The following PRRT1B variants were observed in gnomAD, a reference collection of about 807,000 sequenced individuals.
The protein encoded by PRRT1B is proline rich transmembrane protein 1B.
At chr9:131,555,075 G>A (rs544348355) in intron 2 of PRRT1B, 46 bp downstream of exon 2, 166 of 311,824 alleles carry the variant, frequency 5.3e-4, no homozygotes, top group South Asian at 1.9e-3. Flanking sequence ...TGCTGTCTGC[G>A]CGTGGTCGGG....
At chr9:131,546,650 C>A (rs891007476) in intron 1 of PRRT1B, among the ~76,000 whole-genome samples, 3 of 151,958 alleles carry the variant, frequency 2.0e-5, no homozygotes, top group African/African-American at 4.8e-5. Context: ...GACTCCCCCC[C>A]AGACCCTCAA....
exon 4 of PRRT1B, chr9:131,558,164 T>A: frequency 2.5e-6 from 1 of 400,982 alleles, no homozygotes; most frequent in Non-Finnish European, 4.4e-6. Flanking sequence ...GTCTACCAGC[T>A]GGGTCATCTA....
At position 131,545,683 on chromosome 9, in the gene PRRT1B, CAGGTACTGGCG is replaced by C. The variant is rs1336717979; in HGVS notation, c.25+44_25+54del. On this transcript the variant is annotated intron_variant, in intron 1 of 3. Coordinates refer to ENST00000636672, the Ensembl canonical transcript of PRRT1B. Reference sequence around the variant, plus strand: ...GCTGGTGGGACAGGTACTGGCGGGGCAGGTACTGGCGGGGCAGGTACTGGCGAGGCAGGTAC... The same window carrying C: ...GCTGGTGGGACAGGTACTGGCGGGGCGGGCAGGTACTGGCGAGGCAGGTAC... 7 of 362,270 alleles carry C rather than the reference CAGGTACTGGCG, an allele frequency of 1.9e-5. No homozygotes were observed. In the Admixed American group the frequency reaches 3.8e-4, roughly 20 times the overall value. 22.4% of individuals were successfully genotyped at this position (362,270 alleles called of 1,614,324 possible). A position where few individuals can be genotyped will look rare whatever the true frequency, so the allele number is the denominator to read the frequency against.
intron 3 of PRRT1B, among the ~76,000 whole-genome samples, chr9:131,557,337 G>A (rs1392948403): frequency 6.6e-6 from 1 of 152,116 alleles, no homozygotes; most frequent in Non-Finnish European, 1.5e-5. Context: ...TCAGGAGTTC[G>A]AGATCAGCCT....
chr9:131,549,643 C>T (rs375319776), intron 1 of PRRT1B, among the ~76,000 whole-genome samples: 6 of 152,110 alleles, frequency 3.9e-5, no homozygotes, highest in South Asian at 2.1e-4. Context: ...AGGGTAAGTC[C>T]GTCCCCTTCT....
intron 1 of PRRT1B, among the ~76,000 whole-genome samples, chr9:131,553,738 G>A (rs1021549967): frequency 7.9e-5 from 12 of 152,326 alleles, no homozygotes; most frequent in South Asian, 6.2e-4. Context: ...GCCCACTTCT[G>A]CAGTGAGGCC....
intron 1 of PRRT1B, among the ~76,000 whole-genome samples, chr9:131,547,483 C>G (rs1400712228): frequency 6.6e-6 from 1 of 152,136 alleles, no homozygotes; most frequent in African/African-American, 2.4e-5. Flanking sequence ...TTTACCTACG[C>G]AAATCCTATA....
intron 1 of PRRT1B, among the ~76,000 whole-genome samples, chr9:131,552,232 G>A (rs1475799627): frequency 6.6e-6 from 1 of 152,230 alleles, no homozygotes; most frequent in Non-Finnish European, 1.5e-5. Flanking sequence ...CCAGGCTGGA[G>A]TGCAGTGGTT....
chr9:131,556,692 C>T (rs758424227), intron 3 of PRRT1B, among the ~76,000 whole-genome samples: 4 of 151,752 alleles, frequency 2.6e-5, no homozygotes, highest in South Asian at 2.1e-4. Context: ...AGTGCAATGG[C>T]GTGATCTCGG....
rs1369302109 is a variant in PRRT1B, at chr9:131,546,913, G to C, written c.25+1273G>C. Among the ~76,000 whole-genome samples, 4 of 152,130 alleles carry C rather than the reference G, an allele frequency of 2.6e-5. No individual in the cohort carries two copies. In the East Asian group the frequency reaches 7.7e-4, roughly 29 times the overall value. On this transcript the variant is annotated intron_variant, in intron 1 of 3. Coordinates refer to ENST00000636672, the Ensembl canonical transcript of PRRT1B. ...ACACCATCCCGGAGAGACCTGTTTA[G>C]AGTGGAGAGCTGACTCGCTGAGACC...
At chr9:131,554,660 G>T in exon 2 of PRRT1B, 1 of 386,790 alleles carries the variant, frequency 2.6e-6, no homozygotes, top group Non-Finnish European at 4.6e-6. Flanking sequence ...CGCAGCCCGC[G>T]CTCCCGCAGC....
rs542271327 is a variant in PRRT1B at position 131,557,041 on chromosome 9, CATCT to C, written c.642+829_642+832del. 2.7e-3 allele frequency among the ~76,000 whole-genome samples: 410 copies of C among 152,128 alleles called. 1 individual carries two copies. Among genetic ancestry groups the C allele is most frequent in the Non-Finnish European group, 4.4e-3 (296 of 67,976 alleles). On this transcript the variant is annotated intron_variant, in intron 3 of 3. Transcript: ENST00000636672. ...CCATCCACTCACCCCACTATTCATC[CATCT>C]GCCTACTCACCCACCCACCAATCCC...
At chr9:131,554,264 T>C (rs972447349) in intron 1 of PRRT1B, among the ~76,000 whole-genome samples, 1 of 152,108 alleles carries the variant, frequency 6.6e-6, no homozygotes, top group Non-Finnish European at 1.5e-5. Context: ...AAGGCCTTAG[T>C]TGGGGGTGAA....
intron 1 of PRRT1B, 44 bp downstream of exon 1, chr9:131,545,684 AGGTACTGGCGGGGC>A: frequency 2.5e-6 from 1 of 397,476 alleles, no homozygotes; most frequent in Admixed American, 4.5e-5. Flanking sequence ...CTGGCGGGGC[AGGTACTGGCGGGGC>A]AGGTACTGGC....
At chr9:131,547,631 C>T (rs1438609643) in intron 1 of PRRT1B, among the ~76,000 whole-genome samples, 4 of 152,200 alleles carry the variant, frequency 2.6e-5, no homozygotes, top group South Asian at 2.1e-4. Flanking sequence ...AATTTGGTGC[C>T]GTGACTCAGA....
At position 131,558,068 on chromosome 9, in the gene PRRT1B, G is replaced by C. The variant is rs570304096; in HGVS notation, c.658G>C (p.Gly220Arg). 9 of 400,032 alleles carry C rather than the reference G, an allele frequency of 2.2e-5. No individual in the cohort carries two copies. In the South Asian group the frequency reaches 1.1e-3, roughly 51 times the overall value. The allele number at this position is 400,032 out of a possible 1,614,324, so 24.8% of individuals were successfully genotyped here. ...CTCGTTGCAGGCCCGTGCAGCACTG[G>C]GCAGGGGTGACCTGGCCCAGGCTGA... is the stretch of plus-strand genomic sequence containing the variant. The change falls in exon 4 of 4, where the codon GGC (glycine) becomes CGC (arginine). Residue 220 changes from glycine (G) to arginine (R), a missense_variant. Physicochemically the swap from Gly to Arg is moderately radical, Grantham distance 125. Coordinates refer to ENST00000636672, the Ensembl canonical transcript of PRRT1B.
At chr9:131,553,383 T>C (rs954779280) in intron 1 of PRRT1B, among the ~76,000 whole-genome samples, 2 of 152,228 alleles carry the variant, frequency 1.3e-5, no homozygotes, top group African/African-American at 4.8e-5. Context: ...GCACGTCACA[T>C]GGTCAAGCCC....
rs536905914 is a variant in PRRT1B at position 131,554,365 on chromosome 9, G to A, written c.26-192G>A. Among the ~76,000 whole-genome samples, 130 of 152,292 alleles carry A rather than the reference G, an allele frequency of 8.5e-4. 3 individuals carry two copies. The South Asian group carries it at 0.025, about 29-fold the overall frequency. ...CAGCAGCCTGGGTTCCCACCCAGAT[G>A]AGTCGCTCAGTCTGTGTGACTCCAG... On this transcript the variant is annotated intron_variant, in intron 1 of 3. Coordinates refer to ENST00000636672, the Ensembl canonical transcript of PRRT1B.
intron 3 of PRRT1B, among the ~76,000 whole-genome samples, chr9:131,557,493 G>C (rs1358703686): frequency 6.6e-6 from 1 of 152,134 alleles, no homozygotes. Flanking sequence ...AGCTGAGATC[G>C]CACCACTGCA....
Sources: allele counts gnomAD v4.1 joint callset (sites outside exome capture counted in the v4.1 genomes callset), GRCh38; gene constraint gnomAD v4.1.1; transcripts MANE v1.5; gene names NCBI Gene and HGNC (gene_info 2026-07-23, HGNC 2026-07-21).